ZNF667: variants seen among roughly 807,000 people sequenced by gnomAD.
The protein encoded by ZNF667 is myocardial ischemic preconditioning upregulated 1 ortholog.
A neutral mutation model predicts 31.8 loss-of-function variants in ZNF667; 13 were observed. That is an observed-to-expected ratio of 0.41 (90% CI 0.27 to 0.65). The LOEUF (loss-of-function observed/expected upper bound fraction) is 0.65. Among genes scored for constraint, ZNF667 ranks in the 30% least tolerant of loss-of-function variants. ZNF667 has a pLI of 0.32. For synonymous variants in ZNF667, 228 were observed against 247.1 expected, an observed-to-expected ratio of 0.92 and a Z score of 0.73; for missense variants, 642 against 725.6, an observed-to-expected ratio of 0.88 and a Z score of 1.32.
chr19:56,470,253 G>A (rs1267878778), intron 3 of ZNF667, among the ~76,000 whole-genome samples: 1 of 152,206 alleles, frequency 6.6e-6, no homozygotes, highest in African/African-American at 2.4e-5. Flanking sequence ...AGTTCTGTGG[G>A]ATGTGAGTTT....
intron 3 of ZNF667, among the ~76,000 whole-genome samples, chr19:56,467,318 A>C (rs539473692): frequency 6.6e-6 from 1 of 152,294 alleles, no homozygotes; most frequent in South Asian, 2.1e-4. Context: ...CTTACACAGC[A>C]AAAGGAACTT....
upstream of ZNF667, chr19:56,477,553 G>C (rs928651852): frequency 4.6e-5 from 7 of 152,628 alleles, no homozygotes; most frequent in African/African-American, 1.7e-4. Context: ...GGACGCGCGA[G>C]GTCCCGCGCC....
In ZNF667 at chr19:56,472,028, C is replaced by T. The variant is rs922219457; in HGVS notation, c.-389G>A. On this transcript the variant is annotated 5_prime_UTR_variant, in exon 3 of 7. Coordinates refer to ENST00000504904, the MANE Select transcript of ZNF667 (RefSeq NM_001321356.2). ...ATGGTTCTGTACAGGGACTCTCATT[C>T]TCCCTGTGGCCATGTAAGACGTGTC... 3.9e-5 allele frequency: 6 copies of T among 152,206 alleles called. No individual in the cohort carries two copies. The highest frequency in any genetic ancestry group is 1.2e-4 in the African/African-American group (5 of 41,426). The allele number at this position is 152,206 out of a possible 1,614,324, so 9.4% of individuals were successfully genotyped here.
intron 1 of ZNF667, chr19:56,474,965 TGAAGA>T (rs1241330229): frequency 2.0e-5 from 3 of 152,312 alleles, no homozygotes; most frequent in Non-Finnish European, 2.9e-5. Flanking sequence ...CAGACCTCAG[TGAAGA>T]GAAAAGTCTT....
Position 56,458,185 on chromosome 19 carries a change from C to T in ZNF667, c.223G>A (p.Val75Ile). ...GCCCGGCGTCTTCTTACTGGCTCTA[C>T]CATCCAGGGTGCTTTCCCTTTCTCC... is the stretch of plus-strand genomic sequence containing the variant. ...LLEKGKAPWM[V>I]EPVRRRRAPD... The change falls in exon 6 of 7, where the codon GTA becomes ATA. Residue 75 changes from valine to isoleucine, a missense_variant. Transcript: ENST00000504904. 3 of 1,614,196 alleles carry T rather than the reference C, an allele frequency of 1.9e-6. No individual in the cohort carries two copies. Among genetic ancestry groups the T allele is most frequent in the Non-Finnish European group, 2.5e-6 (3 of 1,180,040 alleles).
intron 5 of ZNF667, among the ~76,000 whole-genome samples, 154 bp downstream of exon 5, chr19:56,460,535 T>C (rs1035459045): frequency 2.0e-5 from 3 of 152,224 alleles, no homozygotes; most frequent in Non-Finnish European, 4.4e-5. Context: ...AATTGTGTAC[T>C]TTTTATGGGT....
chr19:56,448,263 C>G (rs1362497900), intron 6 of ZNF667, among the ~76,000 whole-genome samples: 1 of 152,056 alleles, frequency 6.6e-6, no homozygotes, highest in Non-Finnish European at 1.5e-5. Flanking sequence ...CAGAATTTGG[C>G]CAGCACCCCC....
At chr19:56,464,529 T>C (rs2043117994) in intron 3 of ZNF667, among the ~76,000 whole-genome samples, 1 of 152,164 alleles carries the variant, frequency 6.6e-6, no homozygotes, top group East Asian at 1.9e-4. Context: ...TTAACTTTAA[T>C]GATAAATGTG....
At chr19:56,462,594 G>A (rs887679712) in intron 3 of ZNF667, among the ~76,000 whole-genome samples, 165 bp from the exon 4 acceptor site, 8 of 152,196 alleles carry the variant, frequency 5.3e-5, no homozygotes, top group Admixed American at 3.3e-4. Context: ...ACCTGCTCAC[G>A]GTCAGGGAAG....
rs1392211053 is a variant in ZNF667, at chr19:56,441,318, T to A, written c.1677A>T (p.Glu559Asp). ...HTGEKPYECN[E>D]CGKAFSSGSD... ...AGCCACTGCTAAATGCCTTCCCACATTCATTACATTCATAGGGTTTCTCTC... is the reference window on the plus strand; with the variant it reads ...AGCCACTGCTAAATGCCTTCCCACAATCATTACATTCATAGGGTTTCTCTC... The change falls in exon 7 of 7, where the codon GAA becomes GAT. Residue 559 changes from glutamate to aspartate, a missense_variant. Coordinates refer to ENST00000504904, the MANE Select transcript of ZNF667 (RefSeq NM_001321356.2). The surrounding 1 kb of genome is among the most constrained non-coding windows in gnomAD (Gnocchi z 4.2). The A allele has an allele frequency of 6.2e-7, 1 of 1,614,088 alleles. No individual in the cohort carries two copies. Among genetic ancestry groups the A allele is most frequent in the Non-Finnish European group, 8.5e-7 (1 of 1,180,046 alleles).
rs111320164 is a variant in ZNF667, at chr19:56,452,379, A to T, written c.253+5776T>A. ...GAAATTTCTTAATTAAAATTTAAAA[A>T]TTCCTCAAAACAAATGATAATGAAA... On this transcript the variant is annotated intron_variant, in intron 6 of 6. Coordinates refer to ENST00000504904, the MANE Select transcript of ZNF667 (RefSeq NM_001321356.2). 1.8e-3 allele frequency among the ~76,000 whole-genome samples: 268 copies of T among 152,266 alleles called. 1 individual carries two copies. The highest frequency in any genetic ancestry group is 6.2e-3 in the African/African-American group (259 of 41,572).
intron 6 of ZNF667, among the ~76,000 whole-genome samples, chr19:56,457,147 T>A (rs1304783821): frequency 6.6e-6 from 1 of 152,096 alleles, no homozygotes; most frequent in Non-Finnish European, 1.5e-5. Flanking sequence ...AATATATAAC[T>A]TGGCCAACCA....
rs767042741 is a variant in ZNF667 at position 56,441,759 on chromosome 19, C to G, written c.1236G>C (p.Lys412Asn). ...IQHQKVHTKKKKLFECKECGK... is the reference protein window; with the variant it reads ...IQHQKVHTKKNKLFECKECGK... ...CACATTCCTTACACTCAAATAGTTT[C>G]TTTTTCTTTGTATGAACTTTCTGAT... The change falls in exon 7 of 7, where the codon AAG (lysine) becomes AAC (asparagine). Residue 412 changes from lysine to asparagine, a missense_variant. Lys to Asn is a moderately conservative substitution (Grantham distance 94, BLOSUM62 0). Transcript: ENST00000504904. This position sits in a 1 kb window ranked among gnomAD's most constrained non-coding sequence, Gnocchi z 4.2. The G allele has an allele frequency of 6.2e-7, 1 of 1,613,900 alleles. No individual in the cohort carries two copies. Among genetic ancestry groups the G allele is most frequent in the Non-Finnish European group, 8.5e-7 (1 of 1,180,008 alleles).
chr19:56,458,158 G>A lies in ZNF667; in HGVS notation c.250C>T (p.Pro84Ser). The A allele has an allele frequency of 6.2e-7, 1 of 1,614,136 alleles. No homozygotes were observed. Among genetic ancestry groups the A allele is most frequent in the Non-Finnish European group, 8.5e-7 (1 of 1,179,982 alleles). ...GCCTTGGTTCTCTGTCACTCACCAG[G>A]AGCCCGGCGTCTTCTTACTGGCTCT... ...MVEPVRRRRA[P>S]DSGSKCETKK... The change falls in exon 6 of 7, where the codon CCT becomes TCT. Residue 84 changes from proline to serine, a missense_variant. Coordinates refer to ENST00000504904, the MANE Select transcript of ZNF667 (RefSeq NM_001321356.2).
intron 3 of ZNF667, 50 bp from the exon 4 acceptor site, chr19:56,462,479 T>C (rs35027158): frequency 0.4 from 467,440 of 1,169,982 alleles, 98,858 homozygotes; most frequent in Middle Eastern, 0.55. Context: ...CACAGGCCCC[T>C]ACCTAACCTG....
chr19:56,451,774 T>C (rs2042827172), intron 6 of ZNF667, among the ~76,000 whole-genome samples: 1 of 143,524 alleles, frequency 7.0e-6, no homozygotes, highest in African/African-American at 2.6e-5. Flanking sequence ...TAGGCCAAGG[T>C]GGGAATATTG....
chr19:56,461,077 T>A (rs2043035600), intron 4 of ZNF667, among the ~76,000 whole-genome samples: 1 of 152,224 alleles, frequency 6.6e-6, no homozygotes, highest in African/African-American at 2.4e-5. Context: ...AGTCAAAGCA[T>A]TCTTCTAAGC....
rs746995394 is a variant in ZNF667, at chr19:56,442,097, T to C, written c.898A>G (p.Lys300Glu). ...ATTTTCTCTCCAGCATGAATTCTTT[T>C]ATGTACAACAAAGACTGATTTCTTT... The part of the protein sequence containing the change: ...FKKKSVFVVH[K>E]RIHAGEKIPE... The change falls in exon 7 of 7, where the codon AAA (lysine) becomes GAA (glutamate). Residue 300 changes from lysine (K) to glutamate (E), a missense_variant. Physicochemically the swap from Lys to Glu is moderately conservative, Grantham distance 56. Coordinates refer to ENST00000504904, the MANE Select transcript of ZNF667 (RefSeq NM_001321356.2). The C allele has an allele frequency of 1.9e-6, 3 of 1,614,132 alleles. No individual in the cohort carries two copies. In the Admixed American group the frequency reaches 5.0e-5, roughly 27 times the overall value.
intron 5 of ZNF667, 29 bp from the exon 6 acceptor site, chr19:56,458,276 T>C (rs757411000): frequency 1.2e-6 from 2 of 1,603,490 alleles, no homozygotes; most frequent in Non-Finnish European, 1.7e-6. Context: ...TGGGAAATGA[T>C]CATAAATGTG....
Sources: allele counts gnomAD v4.1 joint callset (sites outside exome capture counted in the v4.1 genomes callset), GRCh38; gene constraint gnomAD v4.1.1; non-coding constraint Gnocchi (gnomAD v3.1); transcripts MANE v1.5; gene names NCBI Gene and HGNC (gene_info 2026-07-23, HGNC 2026-07-21).